ASPH: variants seen among roughly 807,000 people sequenced by gnomAD.
The protein encoded by ASPH is aspartyl/asparaginyl beta-hydroxylase.
Under a neutral mutation model 118.4 loss-of-function variants are expected in ASPH, and 100 were observed. That is an observed-to-expected ratio of 0.84 (90% confidence interval 0.72 to 1.00). The LOEUF (loss-of-function observed/expected upper bound fraction) is 1.00. ASPH is among the 50% of genes least tolerant of loss of function. The pLI is 0.00. For missense variants in ASPH, 920 were observed against 919.5 expected (o/e 1.00, Z -0.01); for synonymous variants, 315 against 325.6 (o/e 0.97, Z 0.35).
chr8:61,704,529 A>G (rs990666625), intron 1 of ASPH, among the ~76,000 whole-genome samples: 6 of 152,090 alleles, frequency 3.9e-5, no homozygotes, highest in Non-Finnish European at 7.4e-5. Flanking sequence ...AATAAATATC[A>G]GCATTAAAAA....
chr8:61,665,580 T>C, intron 3 of ASPH: 1 of 1,591,976 alleles, frequency 6.3e-7, no homozygotes, highest in Non-Finnish European at 8.5e-7. Flanking sequence ...TTCTCCTTCT[T>C]GAGCTCTTCT....
chr8:61,642,237 T>A (rs1805479749), intron 10 of ASPH, among the ~76,000 whole-genome samples: 1 of 152,236 alleles, frequency 6.6e-6, no homozygotes, highest in Non-Finnish European at 1.5e-5. Flanking sequence ...GAGAGTGGGA[T>A]TAACCTGTAG....
intron 12 of ASPH, among the ~76,000 whole-genome samples, chr8:61,636,185 T>C (rs1356921375): frequency 6.6e-6 from 1 of 152,058 alleles, no homozygotes; most frequent in Non-Finnish European, 1.5e-5. Context: ...ATCCTAACAG[T>C]ATGTGAAAGA....
intron 12 of ASPH, among the ~76,000 whole-genome samples, chr8:61,636,338 G>T (rs972248719): frequency 6.6e-6 from 1 of 152,118 alleles, no homozygotes; most frequent in Non-Finnish European, 1.5e-5. Context: ...AAATGTTTAG[G>T]GAGTCTATTA....
intron 3 of ASPH, among the ~76,000 whole-genome samples, chr8:61,669,646 T>C (rs1241094913): frequency 6.6e-6 from 1 of 152,100 alleles, no homozygotes; most frequent in African/African-American, 2.4e-5. Flanking sequence ...TAAATATGAG[T>C]AGTATCTAAG....
In ASPH at chr8:61,714,402, G is replaced by A; in HGVS notation, c.-31C>T. 6.8e-7 allele frequency: 1 copy of A among 1,467,660 alleles called. No homozygotes were observed. Among genetic ancestry groups the A allele is most frequent in the Non-Finnish European group, 9.0e-7 (1 of 1,106,712 alleles). 90.9% of individuals were successfully genotyped at this position (1,467,660 alleles called of 1,614,324 possible). ...GGTCCGCGGGGGCTGGTGAGGGCTG[G>A]CGGACCTCCTTCAGTGCGCGGGGGT... is the stretch of plus-strand genomic sequence containing the variant. On this transcript the variant is annotated 5_prime_UTR_variant, in exon 1 of 25. Transcript: ENST00000379454.
intron 21 of ASPH, among the ~76,000 whole-genome samples, chr8:61,535,420 C>A (rs1395653214): frequency 6.6e-6 from 1 of 152,114 alleles, no homozygotes; most frequent in African/African-American, 2.4e-5. Context: ...GTAACATAAG[C>A]AAGATTAGGT....
At chr8:61,512,264 A>T (rs951066653) in intron 24 of ASPH, among the ~76,000 whole-genome samples, 1 of 152,182 alleles carries the variant, frequency 6.6e-6, no homozygotes. Context: ...CTGATTTGGA[A>T]AAAAGATCTT....
At chr8:61,662,451 C>A (rs1251951382) in intron 3 of ASPH, among the ~76,000 whole-genome samples, 4 of 152,066 alleles carry the variant, frequency 2.6e-5, no homozygotes, top group African/African-American at 9.7e-5. Flanking sequence ...AAAAAGGTAA[C>A]CTTTCTGGTT....
intron 1 of ASPH, among the ~76,000 whole-genome samples, chr8:61,704,284 C>G (rs1836024532): frequency 7.5e-6 from 1 of 133,854 alleles, no homozygotes; most frequent in Admixed American, 7.7e-5. Context: ...TGCTTTTTGA[C>G]AAAGGCACCA....
chr8:61,676,609 T>C (rs1482397407), intron 3 of ASPH, among the ~76,000 whole-genome samples: 2 of 151,878 alleles, frequency 1.3e-5, no homozygotes, highest in African/African-American at 4.8e-5. Flanking sequence ...AATTTTATCA[T>C]CAAAAATCAA....
intron 3 of ASPH, among the ~76,000 whole-genome samples, chr8:61,653,908 C>T (rs926306777): frequency 2.0e-5 from 3 of 152,136 alleles, no homozygotes; most frequent in African/African-American, 7.2e-5. Context: ...TTTAAATGTT[C>T]ATGAATCTCT....
intron 21 of ASPH, among the ~76,000 whole-genome samples, chr8:61,539,140 T>C (rs1586747453): frequency 6.6e-6 from 1 of 151,904 alleles, no homozygotes; most frequent in Non-Finnish European, 1.5e-5. Context: ...ACTTGGGAGG[T>C]AGAGGCATGA....
At chr8:61,697,073 T>C (rs1834067945) in intron 1 of ASPH, among the ~76,000 whole-genome samples, 1 of 152,088 alleles carries the variant, frequency 6.6e-6, no homozygotes, top group Non-Finnish European at 1.5e-5. Flanking sequence ...GCATTTAAAA[T>C]AAAGTGCCCT....
chr8:61,593,534 T>G (rs1841769094), intron 14 of ASPH, among the ~76,000 whole-genome samples: 1 of 152,208 alleles, frequency 6.6e-6, no homozygotes, highest in African/African-American at 2.4e-5. Flanking sequence ...GTAAATAGTA[T>G]ATAAAGGGCA....
intron 3 of ASPH, among the ~76,000 whole-genome samples, chr8:61,666,652 T>C (rs1455148304): frequency 6.6e-6 from 1 of 152,176 alleles, no homozygotes; most frequent in African/African-American, 2.4e-5. Context: ...TCTAATAAAA[T>C]CTTGATTAAC....
At chr8:61,547,661 T>C (rs1448940745) in intron 21 of ASPH, among the ~76,000 whole-genome samples, 1 of 152,140 alleles carries the variant, frequency 6.6e-6, no homozygotes, top group East Asian at 1.9e-4. Context: ...ACATTTTCTG[T>C]TTTGAAAATA....
Position 61,684,023 on chromosome 8 carries a change from A to T in ASPH, c.253+16T>A. The T allele has an allele frequency of 1.2e-6, 2 of 1,612,246 alleles. No homozygotes were observed. Among genetic ancestry groups the T allele is most frequent in the Non-Finnish European group, 8.5e-7 (1 of 1,178,790 alleles). ...TACTCTCTTACAAATTCACATAAGG[A>T]TATCAAAATTCTTACCTAGAACTTC... On this transcript the variant is annotated intron_variant, in intron 2 of 24. Coordinates refer to ENST00000379454, the MANE Select transcript of ASPH (RefSeq NM_004318.4).
intron 3 of ASPH, among the ~76,000 whole-genome samples, chr8:61,655,292 T>G (rs1242845988): frequency 6.6e-6 from 1 of 152,136 alleles, no homozygotes; most frequent in African/African-American, 2.4e-5. Context: ...GGACTCACAT[T>G]AGTACTTCTC....
Sources: allele counts gnomAD v4.1 joint callset (sites outside exome capture counted in the v4.1 genomes callset), GRCh38; gene constraint gnomAD v4.1.1; transcripts MANE v1.5; gene names NCBI Gene and HGNC (gene_info 2026-07-23, HGNC 2026-07-21).